The following FTO variants were observed in gnomAD, a reference collection of about 807,000 sequenced individuals.
FTO encodes alpha-ketoglutarate-dependent dioxygenase FTO.
Under a neutral mutation model 63.9 loss-of-function variants are expected in FTO, and 47 were observed. That is an observed-to-expected ratio of 0.74 (90% CI 0.58 to 0.94). The LOEUF (loss-of-function observed/expected upper bound fraction) is 0.94, where lower values mean the gene tolerates loss of function less well. Among genes scored for constraint, FTO ranks in the 40% least tolerant of loss-of-function variants. The pLI is 0.00. For synonymous variants in FTO, 207 were observed against 224.4 expected (o/e 0.92, Z 0.69); for missense variants, 562 against 618.1 (o/e 0.91, Z 0.96).
At chr16:53,746,777 T>C (rs2076660723) in intron 1 of FTO, among the ~76,000 whole-genome samples, 1 of 152,190 alleles carries the variant, frequency 6.6e-6, no homozygotes. Flanking sequence ...CTGCAGTATA[T>C]CTAAAGTAGA....
At chr16:53,905,428 G>A (rs914040363) in intron 7 of FTO, among the ~76,000 whole-genome samples, 6 of 152,166 alleles carry the variant, frequency 3.9e-5, no homozygotes, top group African/African-American at 1.4e-4. Flanking sequence ...TACATGTAGT[G>A]TTTTGTCCAT....
intron 1 of FTO, among the ~76,000 whole-genome samples, chr16:53,731,196 A>G (rs2076262525): frequency 6.6e-6 from 1 of 152,200 alleles, no homozygotes. Context: ...AGTAATGGGC[A>G]TAAAGAGAAG....
intron 8 of FTO, among the ~76,000 whole-genome samples, chr16:54,100,946 G>A (rs1360958618): frequency 2.0e-5 from 3 of 152,094 alleles, no homozygotes; most frequent in Non-Finnish European, 4.4e-5. Flanking sequence ...AAGAAAGCGT[G>A]GAGATGCCTT....
At chr16:53,838,193 C>T (rs553124988) in intron 3 of FTO, among the ~76,000 whole-genome samples, 1 of 152,318 alleles carries the variant, frequency 6.6e-6, no homozygotes, top group African/African-American at 2.4e-5. Flanking sequence ...TACCAGCTGG[C>T]CATCTACAAC....
chr16:53,993,506 C>A (rs900759672), intron 8 of FTO: 1 of 152,068 alleles, frequency 6.6e-6, no homozygotes, highest in Non-Finnish European at 1.5e-5. Flanking sequence ...CAGAGATGAC[C>A]GTGAATATGA....
chr16:53,718,989 G>A (rs142655568), intron 1 of FTO, among the ~76,000 whole-genome samples: 2,933 of 152,252 alleles, frequency 0.019, 50 homozygotes, highest in Non-Finnish European at 0.027. Flanking sequence ...CATAATTCAA[G>A]CTACAGTTTG....
intron 7 of FTO, among the ~76,000 whole-genome samples, chr16:53,908,811 GCTGA>G (rs1379381637): frequency 2.0e-5 from 3 of 152,192 alleles, no homozygotes; most frequent in Non-Finnish European, 4.4e-5. Context: ...GAATCTTCAT[GCTGA>G]CTGAGTTGGA....
chr16:53,764,865 G>A (rs370931080), intron 1 of FTO, among the ~76,000 whole-genome samples: 2 of 151,884 alleles, frequency 1.3e-5, no homozygotes, highest in African/African-American at 4.8e-5. Flanking sequence ...GATTACAGGC[G>A]CATGTCACCA....
At chr16:54,040,037 G>A (rs2085034585) in intron 8 of FTO, 1 of 152,194 alleles carries the variant, frequency 6.6e-6, no homozygotes, top group African/African-American at 2.4e-5. Flanking sequence ...GGATTTAGCA[G>A]AGATTTGATG....
intron 3 of FTO, among the ~76,000 whole-genome samples, chr16:53,830,763 G>T (rs1038448609): frequency 6.6e-6 from 1 of 152,144 alleles, no homozygotes; most frequent in African/African-American, 2.4e-5. Flanking sequence ...GGGCATGGTG[G>T]TGCGCACCTG....
chr16:53,871,788 G>A (rs911732862), intron 4 of FTO, among the ~76,000 whole-genome samples: 6 of 151,620 alleles, frequency 4.0e-5, no homozygotes, highest in African/African-American at 7.3e-5. Context: ...GTGCAATGGC[G>A]CAATCTCGGC....
rs2081079195 is a variant in FTO at position 53,888,956 on chromosome 16, G to A, written c.1239+5G>A. 1 of 1,613,866 alleles carries A rather than the reference G, an allele frequency of 6.2e-7. No homozygotes were observed. Among genetic ancestry groups the A allele is most frequent in the African/African-American group, 1.3e-5 (1 of 74,920 alleles). On this transcript the variant is annotated splice_donor_5th_base_variant and intron_variant, in intron 7 of 8. Coordinates refer to ENST00000471389, the MANE Select transcript of FTO (RefSeq NM_001080432.3). ...TGGAAGAAGATGGAGGGTGTGGTAA[G>A]TCCATCAGACCTGGGACCGTGTTTT...
At chr16:54,021,978 C>A (rs955177662) in intron 8 of FTO, among the ~76,000 whole-genome samples, 3 of 152,102 alleles carry the variant, frequency 2.0e-5, no homozygotes, top group African/African-American at 7.2e-5. Context: ...TTTCTCCCAG[C>A]CAACCCCTTT....
intron 1 of FTO, among the ~76,000 whole-genome samples, chr16:53,724,160 G>T (rs950055072): frequency 3.3e-5 from 5 of 152,182 alleles, no homozygotes; most frequent in African/African-American, 1.2e-4. Flanking sequence ...GTACTCCTTT[G>T]TCCATCAGCC....
At chr16:53,890,070 C>T (rs190673851) in intron 7 of FTO, among the ~76,000 whole-genome samples, 3 of 152,148 alleles carry the variant, frequency 2.0e-5, no homozygotes, top group Admixed American at 1.3e-4. Flanking sequence ...CCTCTGGGGT[C>T]CTTGCCCTTC....
At chr16:53,747,901 A>G (rs1195690941) in intron 1 of FTO, among the ~76,000 whole-genome samples, 1 of 152,116 alleles carries the variant, frequency 6.6e-6, no homozygotes, top group East Asian at 1.9e-4. Flanking sequence ...AGTTTTCTCA[A>G]CACCGTTTAT....
chr16:53,823,762 TG>T (rs2078929296), intron 2 of FTO, among the ~76,000 whole-genome samples: 1 of 152,126 alleles, frequency 6.6e-6, no homozygotes. Context: ...GGCGCATGCC[TG>T]TAATCTCAGC....
intron 8 of FTO, among the ~76,000 whole-genome samples, chr16:54,035,112 T>C (rs2084914597): frequency 6.6e-6 from 1 of 152,276 alleles, no homozygotes; most frequent in Admixed American, 6.5e-5. Context: ...GTGACTGATA[T>C]TCAGCAAGGA....
In FTO at chr16:54,112,174, GC is replaced by G. The variant is rs1567579430; in HGVS notation, c.*264del. 4.1e-6 allele frequency: 2 copies of G among 482,838 alleles called. No individual in the cohort carries two copies. Among genetic ancestry groups the G allele is most frequent in the South Asian group, 2.1e-5 (1 of 48,124 alleles). The allele number at this position is 482,838 out of a possible 1,614,324, so 29.9% of individuals were successfully genotyped here. A position where few individuals can be genotyped will look rare whatever the true frequency, so the allele number is the denominator to read the frequency against. ...CAGATTATAAAATGTGAGCCATTCA[GC>G]CCCCAAGGTCCAGGGCAGGCGACAG... On this transcript the variant is annotated 3_prime_UTR_variant, in exon 9 of 9. Transcript: ENST00000471389.
Sources: gnomAD v4.1 joint callset for allele counts (sites outside exome capture counted in the v4.1 genomes callset) on GRCh38, gnomAD v4.1.1 for gene constraint, MANE v1.5 for transcripts, NCBI Gene and HGNC (gene_info 2026-07-23, HGNC 2026-07-21) for gene names.